Variants in DCDC1 observed in about 807,000 individuals in gnomAD.
The protein encoded by DCDC1 is doublecortin domain containing 1.
DCDC1 carries 200 observed loss-of-function variants against 178.3 expected under a neutral mutation model. The ratio of observed to expected loss-of-function variants is 1.12; its 90% CI spans 1.00 to 1.26. The LOEUF (loss-of-function observed/expected upper bound fraction) is 1.26, where lower values mean the gene tolerates loss of function less well. Among genes scored for constraint, DCDC1 ranks in the 50% most tolerant of loss-of-function variants. The pLI is 0.00. For synonymous variants in DCDC1, 690 were observed against 604.8 expected (o/e 1.14, Z -2.07); for missense variants, 1,983 against 1,749.2 (o/e 1.13, Z -2.38).
intron 9 of DCDC1, among the ~76,000 whole-genome samples, chr11:31,236,573 A>G (rs1362832346): frequency 1.3e-5 from 2 of 151,968 alleles, no homozygotes; most frequent in Admixed American, 1.3e-4. Flanking sequence ...TGCTCAAAGC[A>G]TGACACTTAG....
Position 30,878,524 on chromosome 11 carries a change from G to A in DCDC1, c.*40+20C>T. The A allele has an allele frequency of 6.7e-7, 1 of 1,494,996 alleles. No individual in the cohort carries two copies. Among genetic ancestry groups the A allele is most frequent in the Non-Finnish European group, 8.9e-7 (1 of 1,117,572 alleles). The allele number at this position is 1,494,996 out of a possible 1,614,324, so 92.6% of individuals were successfully genotyped here. On this transcript the variant is annotated intron_variant, in intron 38 of 38. Transcript: ENST00000684477. ...AATCATAATGTCATAACAAACATGAGTATGTGCACATAGCTATACCAGAAA... is the reference window on the plus strand; with the variant it reads ...AATCATAATGTCATAACAAACATGAATATGTGCACATAGCTATACCAGAAA...
At chr11:31,168,653 G>A (rs756145473) in intron 9 of DCDC1, among the ~76,000 whole-genome samples, 4 of 152,074 alleles carry the variant, frequency 2.6e-5, no homozygotes, top group Admixed American at 6.5e-5. Context: ...GGTTAGTTGC[G>A]CTGCTTCTTC....
chr11:31,228,543 G>A (rs1197583513), intron 9 of DCDC1, among the ~76,000 whole-genome samples: 1 of 151,884 alleles, frequency 6.6e-6, no homozygotes, highest in Non-Finnish European at 1.5e-5. Flanking sequence ...ATAAGCAGAA[G>A]TAAGGAATTA....
At chr11:31,192,932 A>T (rs900339114) in intron 9 of DCDC1, among the ~76,000 whole-genome samples, 2 of 152,120 alleles carry the variant, frequency 1.3e-5, no homozygotes, top group African/African-American at 4.8e-5. Context: ...ACAAAAAAGT[A>T]GAAGGAAGGT....
At position 31,102,243 on chromosome 11, in the gene DCDC1, A is replaced by G; in HGVS notation, c.1917T>C (p.Cys639=). Residue 639 remains cysteine, a synonymous_variant, in exon 15 of 39, where the codon TGT becomes TGC. Transcript: ENST00000684477. ...VCEGFPINFN[C]TSQQIPDQFE... ...ACTGGTCAGGTATCTGTTGACTGGT[A>G]CAGTTGAAATTAATTGGAAATCCCT... The G allele has an allele frequency of 1.4e-6, 1 of 735,176 alleles. No individual in the cohort carries two copies. The highest frequency in any genetic ancestry group is 2.3e-4 in the Middle Eastern group (1 of 4,368). The allele number at this position is 735,176 out of a possible 1,614,324, so 45.5% of individuals were successfully genotyped here. A position where few individuals can be genotyped will look rare whatever the true frequency, so the allele number is the denominator to read the frequency against.
intron 3 of DCDC1, among the ~76,000 whole-genome samples, chr11:31,309,260 C>G (rs11825739): frequency 6.6e-6 from 1 of 151,966 alleles, no homozygotes; most frequent in African/African-American, 2.4e-5. Context: ...TCACATGTTT[C>G]TATCCAAGTC....
At chr11:30,995,894 T>C (rs2134976382) in intron 20 of DCDC1, among the ~76,000 whole-genome samples, 1 of 152,236 alleles carries the variant, frequency 6.6e-6, no homozygotes, top group East Asian at 1.9e-4. Context: ...ATCAGCACGA[T>C]CATCCATAAA....
At chr11:30,922,667 A>G (rs1272238149) in intron 23 of DCDC1, 29 bp from the exon 24 acceptor site, 10 of 1,475,038 alleles carry the variant, frequency 6.8e-6, no homozygotes, top group Admixed American at 3.4e-5. Context: ...CTTATCCTGT[A>G]TATAATTGTC....
intron 20 of DCDC1, among the ~76,000 whole-genome samples, chr11:31,007,661 G>GCTTTTTTTTT (rs1290569596): frequency 2.3e-4 from 35 of 148,990 alleles, no homozygotes; most frequent in Non-Finnish European, 7.5e-5. Flanking sequence ...GAGAAAATAG[G>GCTTTTTTTTT]CTTTTTTTTT....
chr11:31,106,181 A>G (rs928696349), intron 13 of DCDC1, among the ~76,000 whole-genome samples: 3 of 152,236 alleles, frequency 2.0e-5, no homozygotes, highest in Non-Finnish European at 4.4e-5. Flanking sequence ...CTCAGCAATA[A>G]CCAGTAATTA....
chr11:30,890,620 C>G (rs1943686760), intron 36 of DCDC1, among the ~76,000 whole-genome samples: 1 of 152,158 alleles, frequency 6.6e-6, no homozygotes, highest in East Asian at 1.9e-4. Context: ...TTAAAAAAAT[C>G]TGGACTTACC....
intron 36 of DCDC1, among the ~76,000 whole-genome samples, chr11:30,881,825 A>T (rs1346768675): frequency 2.0e-5 from 3 of 152,166 alleles, no homozygotes; most frequent in Non-Finnish European, 1.5e-5. Flanking sequence ...TTCAACTGAT[A>T]CATTTTAAAG....
rs539610774 is a variant in DCDC1 at position 31,179,021 on chromosome 11, T to C, written c.1222-41237A>G. Among the ~76,000 whole-genome samples the C allele has an allele frequency of 2.0e-5, 3 of 152,210 alleles. No homozygotes were observed. In the South Asian group the frequency reaches 6.2e-4, roughly 32 times the overall value. ...AAGTTTTTAAATGGGCAAAGGACCT[T>C]AGTAACTACTTCTCAAAAGAGAATA... On this transcript the variant is annotated intron_variant, in intron 9 of 38. Coordinates refer to ENST00000684477, the MANE Select transcript of DCDC1 (RefSeq NM_001387274.1).
intron 6 of DCDC1, among the ~76,000 whole-genome samples, chr11:31,297,357 A>T (rs1473694484): frequency 6.7e-6 from 1 of 149,758 alleles, no homozygotes; most frequent in Non-Finnish European, 1.5e-5. Flanking sequence ...CATACTAGCC[A>T]TTTTTTTTTT....
intron 20 of DCDC1, among the ~76,000 whole-genome samples, chr11:31,023,864 CA>C (rs1953053843): frequency 6.6e-6 from 1 of 151,854 alleles, no homozygotes; most frequent in Non-Finnish European, 1.5e-5. Flanking sequence ...AATTATCCAC[CA>C]AATGTAACTA....
chr11:31,094,945 C>G (rs1958056653), intron 15 of DCDC1, among the ~76,000 whole-genome samples: 1 of 152,118 alleles, frequency 6.6e-6, no homozygotes, highest in African/African-American at 2.4e-5. Flanking sequence ...CCTTCCCTAG[C>G]TCCCCACCCA....
chr11:31,238,931 T>C (rs374105386), intron 9 of DCDC1, among the ~76,000 whole-genome samples: 7 of 152,190 alleles, frequency 4.6e-5, no homozygotes, highest in African/African-American at 9.6e-5. Context: ...AAGTTAAAAA[T>C]TGAAAAATGA....
Position 31,305,775 on chromosome 11 carries a change from C to G in DCDC1, c.594G>C (p.Leu198=). 6.2e-7 allele frequency: 1 copy of G among 1,612,362 alleles called. No homozygotes were observed. The highest frequency in any genetic ancestry group is 8.5e-7 in the Non-Finnish European group (1 of 1,179,244). ...ARVTVPTITL[L]LEECTEKLNL... ...TCAGCTTTTCTGTGCACTCCTCCAGCAGCTAGAAGAAAGCAAGAGGTAAGT... is the reference window on the plus strand; with the variant it reads ...TCAGCTTTTCTGTGCACTCCTCCAGGAGCTAGAAGAAAGCAAGAGGTAAGT... Residue 198 remains leucine (L), a splice_region_variant and synonymous_variant, in exon 6 of 39, where the codon CTG becomes CTC. Coordinates refer to ENST00000684477, the MANE Select transcript of DCDC1 (RefSeq NM_001387274.1).
chr11:31,147,129 G>C (rs1291146100), intron 9 of DCDC1, among the ~76,000 whole-genome samples: 1 of 152,126 alleles, frequency 6.6e-6, no homozygotes, highest in African/African-American at 2.4e-5. Flanking sequence ...CTGGCTGTTT[G>C]AGTTTTATTC....
Sources: allele counts gnomAD v4.1 joint callset (sites outside exome capture counted in the v4.1 genomes callset), GRCh38; gene constraint gnomAD v4.1.1; transcripts MANE v1.5; gene names NCBI Gene and HGNC (gene_info 2026-07-23, HGNC 2026-07-21).